Variants in SLC14A2 observed in about 807,000 individuals in gnomAD.
SLC14A2 encodes the protein solute carrier family 14 member 2.
In SLC14A2, 91 loss-of-function variants were observed where a neutral mutation model predicts 104.6. That is an observed-to-expected ratio of 0.87 (90% CI 0.73 to 1.04). The LOEUF is 1.04. Among genes scored for constraint, SLC14A2 ranks in the 50% least tolerant of loss-of-function variants. The probability of loss-of-function intolerance (pLI) is 0.00; values close to 1 mark genes in which losing one functional copy is unlikely to be tolerated. For missense variants in SLC14A2, 1,189 were observed against 1,156.0 expected, an observed-to-expected ratio of 1.03 and a Z score of -0.41; for synonymous variants, 476 against 466.4, an observed-to-expected ratio of 1.02 and a Z score of -0.27.
intron 1 of SLC14A2, among the ~76,000 whole-genome samples, chr18:45,243,548 C>A (rs1439783698): frequency 6.6e-6 from 1 of 152,168 alleles, no homozygotes; most frequent in Non-Finnish European, 1.5e-5. Flanking sequence ...AGAAAAACAT[C>A]ACATATCTGA....
At chr18:45,524,538 AC>A (rs2043563564) in intron 2 of SLC14A2, among the ~76,000 whole-genome samples, 1 of 152,190 alleles carries the variant, frequency 6.6e-6, no homozygotes, top group African/African-American at 2.4e-5. Context: ...CAGCCTGATC[AC>A]CTATGGTAGG....
intron 2 of SLC14A2, among the ~76,000 whole-genome samples, chr18:45,524,605 C>G (rs1188893636): frequency 1.3e-5 from 2 of 152,140 alleles, no homozygotes; most frequent in African/African-American, 2.4e-5. Context: ...ATCAGAAGGC[C>G]AACAGATGAC....
intron 2 of SLC14A2, among the ~76,000 whole-genome samples, chr18:45,602,884 A>G (rs1011092410): frequency 6.6e-6 from 1 of 152,226 alleles, no homozygotes; most frequent in African/African-American, 2.4e-5. Flanking sequence ...CTGTCAGCAC[A>G]ACCAGCCAAG....
intron 2 of SLC14A2, among the ~76,000 whole-genome samples, chr18:45,511,123 C>T (rs1424589889): frequency 2.0e-5 from 3 of 151,784 alleles, no homozygotes; most frequent in African/African-American, 7.3e-5. Flanking sequence ...TCCCAGCCTT[C>T]TGCAAGGGGC....
intron 2 of SLC14A2, among the ~76,000 whole-genome samples, chr18:45,599,212 A>G (rs972306428): frequency 5.9e-5 from 9 of 152,220 alleles, no homozygotes; most frequent in African/African-American, 2.2e-4. Flanking sequence ...ATTTAATTCT[A>G]TTGCTCACAC....
intron 10 of SLC14A2, chr18:45,647,850 T>C (rs1356240548): frequency 6.6e-6 from 1 of 152,148 alleles, no homozygotes; most frequent in East Asian, 1.9e-4. Flanking sequence ...TGTAAAAATC[T>C]TTATTTTAAA....
At chr18:45,627,741 G>A (rs973647924) in intron 4 of SLC14A2, among the ~76,000 whole-genome samples, 1 of 152,128 alleles carries the variant, frequency 6.6e-6, no homozygotes, top group Admixed American at 6.5e-5. Context: ...AGGCACGGTG[G>A]CTCACGCCTA....
intron 1 of SLC14A2, among the ~76,000 whole-genome samples, chr18:45,215,797 T>C (rs2084005071): frequency 6.6e-6 from 1 of 152,238 alleles, no homozygotes; most frequent in South Asian, 2.1e-4. Flanking sequence ...ACTTTCCCAG[T>C]ACCGGTTCTT....
chr18:45,321,432 A>G (rs2085184205), intron 1 of SLC14A2, among the ~76,000 whole-genome samples: 1 of 152,224 alleles, frequency 6.6e-6, no homozygotes, highest in African/African-American at 2.4e-5. Flanking sequence ...TCACCCATGC[A>G]TCCCAGTTCT....
At chr18:45,175,401 G>C in the SLC14A2 span, among the ~76,000 whole-genome samples, 1 of 146,116 alleles carries the variant, frequency 6.8e-6, no homozygotes, top group Admixed American at 6.8e-5. Flanking sequence ...TGAAATGTAG[G>C]GGTAAGAAAA....
intron 12 of SLC14A2, 26 bp downstream of exon 12, chr18:45,666,245 G>A: frequency 1.3e-6 from 2 of 1,515,928 alleles, no homozygotes; most frequent in Non-Finnish European, 1.8e-6. Context: ...CCTGAATCAG[G>A]GACAGCGCCC....
chr18:45,222,693 AG>A (rs1193005811), intron 1 of SLC14A2, among the ~76,000 whole-genome samples: 4 of 151,360 alleles, frequency 2.6e-5, no homozygotes, highest in Non-Finnish European at 4.4e-5. Context: ...GGTCTGCAAA[AG>A]ATCACCAACT....
intron 11 of SLC14A2, among the ~76,000 whole-genome samples, chr18:45,665,796 G>C (rs2046013363): frequency 7.1e-6 from 1 of 141,176 alleles, no homozygotes; most frequent in Non-Finnish European, 1.5e-5. Flanking sequence ...TGTCTCTCCA[G>C]GCTGCTGTTT....
chr18:45,511,902 G>T (rs1456732169), intron 2 of SLC14A2, among the ~76,000 whole-genome samples: 1 of 152,166 alleles, frequency 6.6e-6, no homozygotes, highest in East Asian at 1.9e-4. Context: ...AGGAGATAAA[G>T]CACTATGGCA....
In SLC14A2 at chr18:45,663,860, G is replaced by A. The variant is rs2045971070; in HGVS notation, c.1427G>A (p.Arg476Lys). 1 of 1,613,470 alleles carries A rather than the reference G, an allele frequency of 6.2e-7. No homozygotes were observed. Among genetic ancestry groups the A allele is most frequent in the Non-Finnish European group, 8.5e-7 (1 of 1,179,938 alleles). Residue 476 changes from arginine to lysine, a missense_variant, in exon 11 of 20, where the codon AGG becomes AAG. Coordinates refer to ENST00000255226, the MANE Select transcript of SLC14A2 (RefSeq NM_007163.4). ...TCGGAGGCTGTGCTCTCCAAGCACA[G>A]GAGTGTATTTCACATCGAGTGGTCA... Reference protein sequence around the residue: ...EGSEAVLSKHRSVFHIEWSSI... With the variant: ...EGSEAVLSKHKSVFHIEWSSI...
intron 1 of SLC14A2, among the ~76,000 whole-genome samples, chr18:45,242,008 A>G (rs1341248203): frequency 6.6e-6 from 1 of 151,888 alleles, no homozygotes; most frequent in African/African-American, 2.4e-5. Context: ...CCTTTTCCCA[A>G]CCTTGAAACT....
At chr18:45,331,586 G>T (rs1020774613) in intron 1 of SLC14A2, among the ~76,000 whole-genome samples, 1 of 151,906 alleles carries the variant, frequency 6.6e-6, no homozygotes, top group East Asian at 1.9e-4. Flanking sequence ...AGCTACTCGG[G>T]AGGCTGAGGC....
intron 2 of SLC14A2, among the ~76,000 whole-genome samples, chr18:45,585,272 G>T (rs146742268): frequency 6.6e-6 from 1 of 151,952 alleles, no homozygotes; most frequent in African/African-American, 2.4e-5. Flanking sequence ...TTGTAACTCC[G>T]TCCCCTATCA....
At chr18:45,672,775 A>G (rs2046162438) in intron 16 of SLC14A2, 125 bp from the exon 17 acceptor site, 3 of 793,010 alleles carry the variant, frequency 3.8e-6, no homozygotes, top group Non-Finnish European at 6.0e-6. Flanking sequence ...TTGAATAGAA[A>G]CAAAAATCCT....
Sources: allele counts gnomAD v4.1 joint callset (sites outside exome capture counted in the v4.1 genomes callset), GRCh38; gene constraint gnomAD v4.1.1; transcripts MANE v1.5; gene names NCBI Gene and HGNC (gene_info 2026-07-23, HGNC 2026-07-21).